KYAT3: variants seen among roughly 807,000 people sequenced by gnomAD.
The protein encoded by KYAT3 is kynurenine aminotransferase 3, also known as kynurenine--oxoglutarate transaminase 3.
In KYAT3, 50 loss-of-function variants were observed where a neutral mutation model predicts 59.0. That is an observed-to-expected ratio of 0.85 (90% CI 0.68 to 1.07). The LOEUF is 1.07. Ranked by LOEUF, KYAT3 falls within the 50% of genes least tolerant of loss-of-function variation. The pLI is 0.00. For synonymous variants in KYAT3, 148 were observed against 177.0 expected (o/e 0.84, Z 1.30); for missense variants, 497 against 533.3 (o/e 0.93, Z 0.67).
At chr1:88,933,491 AG>A (rs930556083), downstream of KYAT3, among the ~76,000 whole-genome samples, 1 of 152,074 alleles carries the variant, frequency 6.6e-6, no homozygotes, top group Non-Finnish European at 1.5e-5. Context: ...AGGAGGAGAG[AG>A]AGGAAAGATA....
Position 88,935,807 on chromosome 1 carries a change from C to A in KYAT3, c.*376G>T. The A allele has an allele frequency of 2.5e-6, 1 of 398,696 alleles. No individual in the cohort carries two copies. The highest frequency in any genetic ancestry group is 4.4e-6 in the Non-Finnish European group (1 of 226,086). 24.7% of individuals were successfully genotyped at this position (398,696 alleles called of 1,614,324 possible). On this transcript the variant is annotated 3_prime_UTR_variant, in exon 14 of 14. Transcript: ENST00000260508. ...AGTCAGATGAGTGTTTATTGTTTGC[C>A]AGGCTTTTTGCATACATTAGTCCAT...
chr1:88,980,847 G>GT (rs1289232834), intron 2 of KYAT3: 1 of 152,270 alleles, frequency 6.6e-6, no homozygotes. Flanking sequence ...CTATGGAAGT[G>GT]TAACAACCAC....
intron 13 of KYAT3, among the ~76,000 whole-genome samples, chr1:88,942,305 A>G (rs1410207824): frequency 6.6e-6 from 1 of 151,132 alleles, no homozygotes; most frequent in Non-Finnish European, 1.5e-5. Context: ...TTCACTTATT[A>G]TTACCACGTT....
At chr1:88,972,246 C>T (rs1440586027) in intron 2 of KYAT3, among the ~76,000 whole-genome samples, 2 of 152,126 alleles carry the variant, frequency 1.3e-5, no homozygotes, top group Non-Finnish European at 2.9e-5. Context: ...GAATGAGGCC[C>T]ACCCATATTA....
At chr1:88,931,291 T>C (rs1401470979), downstream of KYAT3, among the ~76,000 whole-genome samples, 1 of 152,198 alleles carries the variant, frequency 6.6e-6, no homozygotes, top group Non-Finnish European at 1.5e-5. Context: ...CCCTCTATCT[T>C]TAACCTCCTT....
intron 13 of KYAT3, among the ~76,000 whole-genome samples, chr1:88,937,214 T>C (rs1301942486): frequency 6.6e-6 from 1 of 152,072 alleles, no homozygotes; most frequent in Non-Finnish European, 1.5e-5. Context: ...ATTGGAGACC[T>C]AGATGGGGGC....
chr1:88,975,850 C>T (rs868863611), intron 2 of KYAT3, among the ~76,000 whole-genome samples: 4 of 151,458 alleles, frequency 2.6e-5, no homozygotes, highest in African/African-American at 7.3e-5. Context: ...TCCTGGCCAA[C>T]ATGGTAAAAC....
At chr1:88,954,121 C>G (rs1675805974) in intron 9 of KYAT3, among the ~76,000 whole-genome samples, 1 of 152,110 alleles carries the variant, frequency 6.6e-6, no homozygotes, top group Non-Finnish European at 1.5e-5. Context: ...TGGTTGAGAA[C>G]TCCTGACCTG....
intron 2 of KYAT3, among the ~76,000 whole-genome samples, chr1:88,985,677 T>A (rs1186857345): frequency 6.6e-6 from 1 of 152,154 alleles, no homozygotes; most frequent in Non-Finnish European, 1.5e-5. Context: ...ACCTGCCCCA[T>A]GTAAGTGCTA....
At chr1:88,961,339 T>C in intron 7 of KYAT3, 42 bp downstream of exon 7, 1 of 1,613,434 alleles carries the variant, frequency 6.2e-7, no homozygotes, top group Non-Finnish European at 8.5e-7. Context: ...TGTGAGAAAA[T>C]GATAGGTCAG....
intron 1 of KYAT3, among the ~76,000 whole-genome samples, chr1:88,989,925 G>C (rs752291012): frequency 3.9e-5 from 6 of 152,136 alleles, no homozygotes; most frequent in African/African-American, 1.4e-4. Context: ...ACAGATTTGT[G>C]GTCATCAGTC....
chr1:88,982,455 A>C (rs564760773), intron 2 of KYAT3: 1 of 1,042,594 alleles, frequency 9.6e-7, no homozygotes. Context: ...AAGCAATGTC[A>C]TAAAGTCAAA....
At chr1:88,942,844 G>A (rs1303268346) in intron 13 of KYAT3, among the ~76,000 whole-genome samples, 161 bp downstream of exon 13, 1 of 152,034 alleles carries the variant, frequency 6.6e-6, no homozygotes, top group East Asian at 1.9e-4. Flanking sequence ...TTACAGGCAT[G>A]AGCCACCACG....
intron 2 of KYAT3, chr1:88,982,045 G>A (rs1677117577): frequency 3.1e-6 from 3 of 981,662 alleles, no homozygotes; most frequent in Non-Finnish European, 2.4e-6. Context: ...GAGGGGAAAG[G>A]GGAGGTTCTT....
At chr1:88,953,319 T>C (rs1226950121) in intron 9 of KYAT3, among the ~76,000 whole-genome samples, 167 bp from the exon 10 acceptor site, 1 of 151,820 alleles carries the variant, frequency 6.6e-6, no homozygotes, top group Non-Finnish European at 1.5e-5. Context: ...CCGAGGTGGG[T>C]GGATCACTTG....
intron 2 of KYAT3, among the ~76,000 whole-genome samples, chr1:88,975,022 T>G (rs116420286): frequency 8.1e-4 from 123 of 152,284 alleles, no homozygotes; most frequent in Non-Finnish European, 1.6e-3. Flanking sequence ...TTTTCACACT[T>G]CATAATAAAT....
At chr1:88,975,234 C>A (rs4656070) in intron 2 of KYAT3, among the ~76,000 whole-genome samples, 63,848 of 151,990 alleles carry the variant, frequency 0.42, 14,243 homozygotes, top group Non-Finnish European at 0.49. Flanking sequence ...TGGCTTCATT[C>A]TTGAAGCGAG....
chr1:88,983,463 G>T, intron 2 of KYAT3: 1 of 1,614,088 alleles, frequency 6.2e-7, no homozygotes, highest in Non-Finnish European at 8.5e-7. Context: ...CGTGAAGGAG[G>T]TCCCCTGGTT....
chr1:88,978,159 A>G (rs925144223), intron 2 of KYAT3, among the ~76,000 whole-genome samples: 3 of 152,164 alleles, frequency 2.0e-5, no homozygotes, highest in South Asian at 2.1e-4. Context: ...CACAGTGATG[A>G]CATTTAGTAT....
Sources: gnomAD v4.1 joint callset for allele counts (sites outside exome capture counted in the v4.1 genomes callset) on GRCh38, gnomAD v4.1.1 for gene constraint, MANE v1.5 for transcripts, NCBI Gene and HGNC (gene_info 2026-07-23, HGNC 2026-07-21) for gene names.